Variants in CLN6 observed in about 807,000 individuals in gnomAD.
The protein encoded by CLN6 is ceroid-lipofuscinosis neuronal protein 6.
A neutral mutation model predicts 33.3 loss-of-function variants in CLN6; 22 were observed. The ratio of observed to expected loss-of-function variants is 0.66; its 90% CI spans 0.47 to 0.94. The LOEUF is 0.94. Among genes scored for constraint, CLN6 ranks in the 40% least tolerant of loss-of-function variants. CLN6 has a pLI of 0.00. For synonymous variants in CLN6, 201 were observed against 174.6 expected, an observed-to-expected ratio of 1.15 and a Z score of -1.19; for missense variants, 387 against 417.1, an observed-to-expected ratio of 0.93 and a Z score of 0.63.
Position 68,208,307 on chromosome 15 carries a change from T to A in CLN6, c.769A>T (p.Ser257Cys), listed in dbSNP as rs151295143. The change falls in exon 7 of 7, where the codon AGC (serine) becomes TGC (cysteine). Residue 257 changes from serine to cysteine, a missense_variant. Physicochemically the swap from Ser to Cys is moderately radical, Grantham distance 112 (BLOSUM62 -1). Transcript: ENST00000249806. This position sits in a 1 kb window ranked among gnomAD's most constrained non-coding sequence, Gnocchi z 5.8. ...HQKRKRLFLD[S>C]NGLFLFSSFA... ...GAGGAGAAGAGGAAGAGGCCGTTGC[T>A]GTCCAGGAAGAGGCGCTTGCGCTTC... 6.2e-7 allele frequency: 1 copy of A among 1,614,036 alleles called. No homozygotes were observed.
intron 2 of CLN6, among the ~76,000 whole-genome samples, chr15:68,217,581 T>C (rs1013765775): frequency 2.0e-5 from 3 of 152,320 alleles, no homozygotes; most frequent in Middle Eastern, 3.4e-3. Flanking sequence ...AAAGTGCCAG[T>C]TTCAGCACTG....
rs1394076803 is a variant in CLN6, at chr15:68,234,768, G to C, written c.180-16118C>G. Reference sequence around the variant, plus strand: ...GCGGTGGCTCACGCATGTAATCCCAGCACTTTGGGAGGCCAAGGTGAGCAG... The same window carrying C: ...GCGGTGGCTCACGCATGTAATCCCACCACTTTGGGAGGCCAAGGTGAGCAG... On this transcript the variant is annotated intron_variant, in intron 1 of 6. Coordinates refer to the CLN6 transcript ENST00000538696. This position sits in a 1 kb window ranked among gnomAD's most constrained non-coding sequence, Gnocchi z 4.1. Among the ~76,000 whole-genome samples, 1 of 152,232 alleles carries C rather than the reference G, an allele frequency of 6.6e-6. No individual in the cohort carries two copies. Among genetic ancestry groups the C allele is most frequent in the Non-Finnish European group, 1.5e-5 (1 of 68,042 alleles).
At position 68,211,566 on chromosome 15, in the gene CLN6, G is replaced by A. The variant is rs1567095771; in HGVS notation, c.486+109C>T. 1 of 1,601,196 alleles carries A rather than the reference G, an allele frequency of 6.2e-7. No individual in the cohort carries two copies. Among genetic ancestry groups the A allele is most frequent in the Non-Finnish European group, 8.5e-7 (1 of 1,179,504 alleles). On this transcript the variant is annotated intron_variant, in intron 4 of 6. Coordinates refer to ENST00000249806, the MANE Select transcript of CLN6 (RefSeq NM_017882.3). The surrounding 1 kb of genome is among the most constrained non-coding windows in gnomAD (Gnocchi z 5.9). ...CGACAGTGCCCTCACCTAGCAGAAT[G>A]CCTTTGGTGAAAGGACAGGTGCGGC...
intron 1 of CLN6, among the ~76,000 whole-genome samples, chr15:68,253,210 G>A (rs766784322): frequency 3.9e-5 from 6 of 152,152 alleles, no homozygotes; most frequent in Admixed American, 2.0e-4. Context: ...TTCCCCATGC[G>A]GATACATATA....
intron 1 of CLN6, among the ~76,000 whole-genome samples, chr15:68,251,752 G>C (rs1892381240): frequency 6.6e-6 from 1 of 152,076 alleles, no homozygotes; most frequent in African/African-American, 2.4e-5. Context: ...TGAAGGGTAA[G>C]ACAGAAAACA....
intron 2 of CLN6, 104 bp from the exon 3 acceptor site, chr15:68,214,492 C>T: frequency 2.7e-6 from 2 of 738,762 alleles, no homozygotes; most frequent in East Asian, 5.4e-5. Context: ...ACTCCTTTCA[C>T]CCCCCACCCC....
chr15:68,237,373 G>A (rs1473311675), intron 1 of CLN6, among the ~76,000 whole-genome samples: 1 of 151,890 alleles, frequency 6.6e-6, no homozygotes, highest in Non-Finnish European at 1.5e-5. Flanking sequence ...GGTAGTTCCA[G>A]CTACTGAGGA....
chr15:68,238,401 CAAAAAA>C (rs1027215007), intron 1 of CLN6, among the ~76,000 whole-genome samples: 4 of 125,288 alleles, frequency 3.2e-5, no homozygotes, highest in Non-Finnish European at 5.1e-5. Context: ...GACTCTGTCT[CAAAAAA>C]AAAAAGAAAA....
At chr15:68,243,987 C>T (rs1006009758) in intron 1 of CLN6, among the ~76,000 whole-genome samples, 1 of 151,824 alleles carries the variant, frequency 6.6e-6, no homozygotes, top group Non-Finnish European at 1.5e-5. Context: ...ATGGAGTGAA[C>T]CCGAGAGGCG....
rs1483494598 is a variant in CLN6 at position 68,209,255 on chromosome 15, G to A, written c.665+382C>T. 6.6e-6 allele frequency among the ~76,000 whole-genome samples: 1 copy of A among 152,188 alleles called. No homozygotes were observed. Among genetic ancestry groups the A allele is most frequent in the East Asian group, 1.9e-4 (1 of 5,196 alleles). ...CATCATCTGAGAGGCAGACAGGCAG[G>A]TACCATCATCCCCACTTCACAGAGG... On this transcript the variant is annotated intron_variant, in intron 6 of 6. Coordinates refer to ENST00000249806, the MANE Select transcript of CLN6 (RefSeq NM_017882.3). The surrounding 1 kb of genome is among the most constrained non-coding windows in gnomAD (Gnocchi z 4.9).
At position 68,229,546 on chromosome 15, in the gene CLN6, C is replaced by A. The variant is rs1308378971; in HGVS notation, c.39G>T (p.Thr13=). 3 of 1,468,472 alleles carry A rather than the reference C, an allele frequency of 2.0e-6. No individual in the cohort carries two copies. The highest frequency in any genetic ancestry group is 2.6e-5 in the South Asian group (2 of 78,162). 91.0% of individuals were successfully genotyped at this position (1,468,472 alleles called of 1,614,324 possible). ...CGCCCAGCTGCGCGCCTGGGCCGCC[C>A]GTCGCTCCCAGGTGCTGCCGCCTCC... is the stretch of plus-strand genomic sequence containing the variant. ...ATRRRQHLGA[T]GGPGAQLGAS... The change falls in exon 1 of 7, where the codon ACG becomes ACT. Residue 13 remains threonine (T), a synonymous_variant. Coordinates refer to ENST00000249806, the MANE Select transcript of CLN6 (RefSeq NM_017882.3).
At chr15:68,235,192 A>G (rs907274731) in intron 1 of CLN6, among the ~76,000 whole-genome samples, 3 of 152,134 alleles carry the variant, frequency 2.0e-5, no homozygotes, top group African/African-American at 7.2e-5. Context: ...GAGTTAACTC[A>G]GGTACAAAGA....
intron 1 of CLN6, among the ~76,000 whole-genome samples, chr15:68,252,843 G>A (rs1463635580): frequency 6.6e-6 from 1 of 152,166 alleles, no homozygotes; most frequent in Admixed American, 6.5e-5. Context: ...ATCTTGTTTA[G>A]TTATATCTAT....
rs1335088008 is a variant in CLN6 at position 68,212,067 on chromosome 15, C to T, written c.298-204G>A. ...GAACCCCGGAGGGAATGTGGAGCAG[C>T]ACCCCCCGCTGACTTTACCCAGGGA... On this transcript the variant is annotated intron_variant, in intron 3 of 6. Transcript: ENST00000249806. 1.8e-5 allele frequency: 11 copies of T among 603,444 alleles called. No individual in the cohort carries two copies. In the East Asian group the frequency reaches 2.8e-4, roughly 15 times the overall value. 37.4% of individuals were successfully genotyped at this position (603,444 alleles called of 1,614,324 possible).
chr15:68,232,797 G>T (rs1475237308), upstream of CLN6, among the ~76,000 whole-genome samples: 2 of 152,148 alleles, frequency 1.3e-5, no homozygotes, highest in Non-Finnish European at 2.9e-5. This position sits in a 1 kb window ranked among gnomAD's most constrained non-coding sequence, Gnocchi z 4.7. Context: ...ATCCCAGCAC[G>T]TTGGGAGGCC....
chr15:68,243,154 G>A (rs752614249), intron 1 of CLN6, among the ~76,000 whole-genome samples: 8 of 152,188 alleles, frequency 5.3e-5, no homozygotes, highest in Non-Finnish European at 8.8e-5. Context: ...ACCTAAAAGA[G>A]TAATGGAACA....
At chr15:68,244,539 C>T (rs921515978) in intron 1 of CLN6, among the ~76,000 whole-genome samples, 5 of 152,010 alleles carry the variant, frequency 3.3e-5, no homozygotes, top group East Asian at 3.8e-4. Context: ...TCCCCAGACC[C>T]GTCTTAAAAG....
At chr15:68,231,265 C>A (rs542182792), upstream of CLN6, among the ~76,000 whole-genome samples, 7 of 152,306 alleles carry the variant, frequency 4.6e-5, no homozygotes, top group East Asian at 9.6e-4. Context: ...CAATCCCCCC[C>A]CTCCGCCCCT....
chr15:68,219,868 C>T lies in CLN6; in HGVS notation c.84-1218G>A, dbSNP rs538735482. ...TCGTCTCGTTTGTGCCAAGAACAGG[C>T]GCCATGGACCACAAATCTGTATTCC... On this transcript the variant is annotated intron_variant, in intron 1 of 6. Transcript: ENST00000249806. The surrounding 1 kb of genome is among the most constrained non-coding windows in gnomAD (Gnocchi z 4.2). 2.0e-5 allele frequency among the ~76,000 whole-genome samples: 3 copies of T among 152,164 alleles called. No individual in the cohort carries two copies. The highest frequency in any genetic ancestry group is 4.8e-5 in the African/African-American group (2 of 41,426).
Sources: gnomAD v4.1 joint callset for allele counts (sites outside exome capture counted in the v4.1 genomes callset) on GRCh38, gnomAD v4.1.1 for gene constraint, Gnocchi (gnomAD v3.1) non-coding constraint, MANE v1.5 for transcripts, NCBI Gene and HGNC (gene_info 2026-07-23, HGNC 2026-07-21) for gene names.